The following ATL2 variants were observed in gnomAD, a reference collection of about 807,000 sequenced individuals.
ATL2 encodes atlastin GTPase 2, also known as atlastin-2.
Under a neutral mutation model 73.9 loss-of-function variants are expected in ATL2, and 31 were observed. The observed-to-expected ratio is 0.42, with a 90% CI of 0.32 to 0.57. ATL2 has a LOEUF of 0.57. ATL2 is among the 20% of genes least tolerant of loss of function. ATL2 has a pLI of 0.14. For synonymous variants in ATL2, 291 were observed against 237.5 expected, an observed-to-expected ratio of 1.23 and a Z score of -2.07; for missense variants, 738 against 702.6, an observed-to-expected ratio of 1.05 and a Z score of -0.57.
chr2:38,315,134 C>T (rs559173763), intron 5 of ATL2, 150 bp downstream of exon 5: 11 of 707,486 alleles, frequency 1.6e-5, no homozygotes, highest in African/African-American at 1.9e-5. Context: ...GCCTGTAATG[C>T]CAGCTACTTG....
intron 4 of ATL2, among the ~76,000 whole-genome samples, chr2:38,316,942 C>T (rs554312809): frequency 6.6e-6 from 1 of 152,240 alleles, no homozygotes; most frequent in Admixed American, 6.5e-5. Context: ...AAAAAAGAGA[C>T]TTAGAGGGTC....
At chr2:38,377,051 G>T in intron 1 of ATL2, 92 bp downstream of exon 1, 1 of 1,262,488 alleles carries the variant, frequency 7.9e-7, no homozygotes, top group South Asian at 1.4e-5. Flanking sequence ...CGCGGACTCC[G>T]ACCCCGCCGC....
chr2:38,308,303 A>G (rs1667562845), intron 9 of ATL2, among the ~76,000 whole-genome samples: 1 of 152,220 alleles, frequency 6.6e-6, no homozygotes, highest in Admixed American at 6.5e-5. Flanking sequence ...ATTTCCAACA[A>G]CATGGTGGAA....
At chr2:38,322,020 A>G (rs77151767) in intron 2 of ATL2, among the ~76,000 whole-genome samples, 1,842 of 152,278 alleles carry the variant, frequency 0.012, 46 homozygotes, top group African/African-American at 0.042. Flanking sequence ...ACCATACCAA[A>G]AAAAGTTACC....
At chr2:38,306,908 G>A (rs1464463846) in intron 9 of ATL2, among the ~76,000 whole-genome samples, 6 of 152,192 alleles carry the variant, frequency 3.9e-5, no homozygotes, top group African/African-American at 1.2e-4. Flanking sequence ...TACAAACTTT[G>A]AGAAAATGAC....
intron 1 of ATL2, among the ~76,000 whole-genome samples, chr2:38,349,833 T>G (rs1670240665): frequency 6.6e-6 from 1 of 152,276 alleles, no homozygotes; most frequent in South Asian, 2.1e-4. Flanking sequence ...GTCTACATAT[T>G]TGTCACCATA....
intron 2 of ATL2, among the ~76,000 whole-genome samples, chr2:38,336,666 G>C (rs545972526): frequency 3.3e-5 from 5 of 152,230 alleles, no homozygotes; most frequent in Admixed American, 2.0e-4. Flanking sequence ...TAGAATAAAG[G>C]CTCTGGCATC....
rs571623430 is a variant in ATL2 at position 38,333,915 on chromosome 2, C to T, written c.363+9353G>A. Among the ~76,000 whole-genome samples, 5 of 152,220 alleles carry T rather than the reference C, an allele frequency of 3.3e-5. No homozygotes were observed. The South Asian group carries it at 1.0e-3, about 32-fold the overall frequency. ...GACTCAAATCTAATCCAATTTAAAA[C>T]CTGCATAGGGAAGAATTAAAACTTA... is the stretch of plus-strand genomic sequence containing the variant. On this transcript the variant is annotated intron_variant, in intron 2 of 12. Coordinates refer to ENST00000378954, the MANE Select transcript of ATL2 (RefSeq NM_001135673.4).
intron 2 of ATL2, among the ~76,000 whole-genome samples, chr2:38,332,357 C>G (rs1477204415): frequency 6.6e-6 from 1 of 152,120 alleles, no homozygotes; most frequent in Non-Finnish European, 1.5e-5. Flanking sequence ...CAGATACACA[C>G]CACCACGCTC....
intron 2 of ATL2, among the ~76,000 whole-genome samples, chr2:38,320,237 T>C (rs1668245258): frequency 6.6e-6 from 1 of 152,316 alleles, no homozygotes; most frequent in South Asian, 2.1e-4. Flanking sequence ...ACTGGTTATC[T>C]CATTAGATGG....
chr2:38,320,529 T>C (rs537020376), intron 2 of ATL2, among the ~76,000 whole-genome samples: 4 of 152,312 alleles, frequency 2.6e-5, no homozygotes, highest in East Asian at 1.9e-4. Context: ...CAGGGCTAAA[T>C]TGTTATTATG....
chr2:38,334,554 C>T (rs1488354970), intron 2 of ATL2, among the ~76,000 whole-genome samples: 2 of 151,080 alleles, frequency 1.3e-5, no homozygotes, highest in African/African-American at 2.4e-5. Context: ...CAAAATTAGC[C>T]GGGCGTAGTG....
intron 6 of ATL2, among the ~76,000 whole-genome samples, 166 bp downstream of exon 6, chr2:38,314,442 C>T (rs1405357400): frequency 7.2e-6 from 1 of 138,890 alleles, no homozygotes; most frequent in African/African-American, 2.8e-5. Flanking sequence ...TGTTCGCCTA[C>T]TGATAAGTAT....
intron 2 of ATL2, among the ~76,000 whole-genome samples, chr2:38,320,301 G>GA (rs994803526): frequency 1.3e-5 from 2 of 151,488 alleles, no homozygotes; most frequent in Admixed American, 6.6e-5. Flanking sequence ...CTGTGGTTAG[G>GA]AAAAAAAAGA....
Position 38,298,459 on chromosome 2 carries a change from C to T in ATL2, c.1317G>A (p.Glu439=). The change falls in exon 12 of 13, where the codon GAG becomes GAA. Residue 439 remains glutamate (E), a synonymous_variant. Coordinates refer to ENST00000378954, the MANE Select transcript of ATL2 (RefSeq NM_001135673.4). ...FRSVKKMGGD[E]FCRRYQDQLE... is the part of the protein sequence containing the mutation. ...GCTGGTCCTGATAACGACGGCAGAA[C>T]TCATCTCCACCCATCTTTTTTACTG... 1 of 1,614,210 alleles carries T rather than the reference C, an allele frequency of 6.2e-7. No homozygotes were observed. The highest frequency in any genetic ancestry group is 1.1e-5 in the South Asian group (1 of 91,090).
Position 38,295,968 on chromosome 2 carries a change from A to T in ATL2, c.*26T>A, listed in dbSNP as rs1558377977. ...TACAGCAAGCATGAAAAAAAAAGAGAGTGGAGTCCGTGAGGAGATGAACTG... is the reference window on the plus strand; with the variant it reads ...TACAGCAAGCATGAAAAAAAAAGAGTGTGGAGTCCGTGAGGAGATGAACTG... On this transcript the variant is annotated 3_prime_UTR_variant, in exon 13 of 13. Coordinates refer to ENST00000378954, the MANE Select transcript of ATL2 (RefSeq NM_001135673.4). The T allele has an allele frequency of 1.3e-6, 2 of 1,488,050 alleles. No individual in the cohort carries two copies. Among genetic ancestry groups the T allele is most frequent in the Admixed American group, 4.3e-5 (2 of 46,944 alleles). The allele number at this position is 1,488,050 out of a possible 1,614,324, so 92.2% of individuals were successfully genotyped here. A position where few individuals can be genotyped will look rare whatever the true frequency, so the allele number is the denominator to read the frequency against.
chr2:38,320,721 G>T (rs1034931690), intron 2 of ATL2, among the ~76,000 whole-genome samples: 1 of 152,172 alleles, frequency 6.6e-6, no homozygotes, highest in African/African-American at 2.4e-5. Flanking sequence ...CTTCTAATAA[G>T]CTTGGATATC....
chr2:38,358,649 G>A (rs1670823257), intron 1 of ATL2: 1 of 192,032 alleles, frequency 5.2e-6, no homozygotes, highest in South Asian at 5.9e-5. Context: ...CCGAGACCGT[G>A]CCACTGCACC....
intron 2 of ATL2, among the ~76,000 whole-genome samples, chr2:38,340,650 G>C (rs1343382228): frequency 1.3e-5 from 2 of 152,146 alleles, no homozygotes; most frequent in Non-Finnish European, 2.9e-5. Context: ...CATCCCACCT[G>C]TGCAGGCATA....
Sources: allele counts gnomAD v4.1 joint callset (sites outside exome capture counted in the v4.1 genomes callset), GRCh38; gene constraint gnomAD v4.1.1; transcripts MANE v1.5; gene names NCBI Gene and HGNC (gene_info 2026-07-23, HGNC 2026-07-21).